Variants in ABCA10 observed in about 807,000 individuals in gnomAD.
The protein encoded by ABCA10 is ATP binding cassette subfamily A member 10.
In ABCA10, 169 loss-of-function variants were observed where a neutral mutation model predicts 187.5. The ratio of observed to expected loss-of-function variants is 0.90; its 90% CI spans 0.80 to 1.02. The LOEUF (loss-of-function observed/expected upper bound fraction) is 1.02, where lower values mean the gene tolerates loss of function less well. ABCA10 is among the 50% of genes least tolerant of loss of function. The probability of loss-of-function intolerance (pLI) is 0.00; values close to 1 mark genes in which losing one functional copy is unlikely to be tolerated. For missense variants in ABCA10, 1,727 were observed against 1,812.4 expected (o/e 0.95, Z 0.86); for synonymous variants, 574 against 601.8 (o/e 0.95, Z 0.68).
intron 2 of ABCA10, 57 bp downstream of exon 2, chr17:69,227,088 T>C (rs1472530683): frequency 1.4e-5 from 2 of 147,030 alleles, no homozygotes; most frequent in Non-Finnish European, 3.0e-5. Context: ...TAATACTATA[T>C]GGTGGATTTT....
In ABCA10 at chr17:69,191,225, T is replaced by C. The variant is rs2074457368; in HGVS notation, c.1962A>G (p.Glu654=). Residue 654 remains glutamate, a synonymous_variant, in exon 17 of 39, where the codon GAA becomes GAG. Coordinates refer to ENST00000690296, the MANE Select transcript of ABCA10 (RefSeq NM_001377321.1). ...IPDAKLTTES[E]EKLVYSLPLE... Reference sequence around the variant, plus strand: ...AAGGCAAACTATATACAAGTTTTTCTTCACTTTCTGTTGTTAACTTGGCAT... The same window carrying C: ...AAGGCAAACTATATACAAGTTTTTCCTCACTTTCTGTTGTTAACTTGGCAT... 13 of 1,603,808 alleles carry C rather than the reference T, an allele frequency of 8.1e-6. No homozygotes were observed. Among genetic ancestry groups the C allele is most frequent in the Non-Finnish European group, 1.1e-5 (13 of 1,174,448 alleles).
chr17:69,153,825 CTG>C lies in ABCA10; in HGVS notation c.3965+4_3965+5del, dbSNP rs1276729891. On this transcript the variant is annotated splice_donor_5th_base_variant and intron_variant, in intron 32 of 38. Coordinates refer to ENST00000690296, the MANE Select transcript of ABCA10 (RefSeq NM_001377321.1). The stretch of plus-strand genomic sequence containing the variant: ...CTGCTACAAATTGTGAGACTTCTCT[CTG>C]TACCGTGAAATACTGAGAGCAGCAT... 3 of 1,610,284 alleles carry C rather than the reference CTG, an allele frequency of 1.9e-6. No homozygotes were observed. The highest frequency in any genetic ancestry group is 2.5e-6 in the Non-Finnish European group (3 of 1,178,476).
intron 9 of ABCA10, among the ~76,000 whole-genome samples, chr17:69,203,809 A>C (rs1346182795): frequency 1.3e-5 from 2 of 152,260 alleles, no homozygotes; most frequent in Non-Finnish European, 2.9e-5. Flanking sequence ...GGATAGTTTA[A>C]AAGCCTATCT....
chr17:69,158,805 T>C (rs2074193819), intron 27 of ABCA10, among the ~76,000 whole-genome samples: 1 of 151,954 alleles, frequency 6.6e-6, no homozygotes, highest in Non-Finnish European at 1.5e-5. Context: ...CTACCATAAT[T>C]AAAACAATGT....
intron 26 of ABCA10, 104 bp from the exon 27 acceptor site, chr17:69,164,258 T>C: frequency 5.7e-6 from 5 of 873,412 alleles, no homozygotes; most frequent in Non-Finnish European, 8.4e-6. Flanking sequence ...GGGACAACAG[T>C]AAGTATTCCA....
At chr17:69,170,029 T>C (rs1223479054) in intron 25 of ABCA10, among the ~76,000 whole-genome samples, 1 of 152,166 alleles carries the variant, frequency 6.6e-6, no homozygotes, top group Non-Finnish European at 1.5e-5. Context: ...GGTTCAATCC[T>C]GTAATCCTAA....
rs191448981 is a variant in ABCA10, at chr17:69,188,271, T to C, written c.2132-392A>G. 2.0e-5 allele frequency among the ~76,000 whole-genome samples: 3 copies of C among 152,182 alleles called. No homozygotes were observed. In the East Asian group the frequency reaches 5.8e-4, roughly 29 times the overall value. ...TACAGGATTAGTTCAACACTGATGA[T>C]TGACATCTCAGTAACGAGTTCAAGA... is the stretch of plus-strand genomic sequence containing the variant. On this transcript the variant is annotated intron_variant, in intron 18 of 38. Coordinates refer to ENST00000690296, the MANE Select transcript of ABCA10 (RefSeq NM_001377321.1).
intron 28 of ABCA10, 88 bp downstream of exon 28, chr17:69,156,744 A>G: frequency 4.8e-6 from 4 of 834,398 alleles, no homozygotes; most frequent in Non-Finnish European, 6.4e-6. Context: ...TATTTTCAAA[A>G]ACAAAAACAA....
At chr17:69,205,842 A>C (rs2074587532) in intron 9 of ABCA10, among the ~76,000 whole-genome samples, 2 of 152,220 alleles carry the variant, frequency 1.3e-5, no homozygotes, top group Admixed American at 6.5e-5. Context: ...GGACTTAAAG[A>C]AACATGAAAA....
At chr17:69,158,135 T>C (rs2074188049) in intron 27 of ABCA10, among the ~76,000 whole-genome samples, 1 of 152,022 alleles carries the variant, frequency 6.6e-6, no homozygotes, top group Non-Finnish European at 1.5e-5. Context: ...TAAAAGTTAC[T>C]ATGATGATAA....
At chr17:69,153,785 A>AT (rs1169186021) in intron 32 of ABCA10, 46 bp downstream of exon 32, 1 of 1,559,994 alleles carries the variant, frequency 6.4e-7, no homozygotes, top group Admixed American at 2.0e-5. Flanking sequence ...GAAATGACAT[A>AT]TTTTCCCCTT....
At chr17:69,187,513 G>C (rs535457845) in intron 19 of ABCA10, among the ~76,000 whole-genome samples, 168 bp downstream of exon 19, 1 of 152,164 alleles carries the variant, frequency 6.6e-6, no homozygotes, top group South Asian at 2.1e-4. Flanking sequence ...TCACAGTATT[G>C]GCTTCTAGCA....
At chr17:69,157,297 G>A (rs901927497) in intron 27 of ABCA10, among the ~76,000 whole-genome samples, 11 of 152,086 alleles carry the variant, frequency 7.2e-5, no homozygotes, top group Admixed American at 3.3e-4. Flanking sequence ...TCAAACTTCC[G>A]TTTTCATGCC....
intron 17 of ABCA10, 45 bp downstream of exon 17, chr17:69,191,131 T>C (rs1414006066): frequency 6.9e-7 from 1 of 1,454,058 alleles, no homozygotes; most frequent in East Asian, 2.4e-5. Context: ...GTCAGCACAA[T>C]CGTGAACACT....
intron 22 of ABCA10, among the ~76,000 whole-genome samples, chr17:69,181,261 T>G (rs925298450): frequency 1.3e-5 from 2 of 152,198 alleles, no homozygotes; most frequent in African/African-American, 4.8e-5. Flanking sequence ...GGATTTAGGT[T>G]TAAGATATCT....
intron 27 of ABCA10, among the ~76,000 whole-genome samples, chr17:69,163,851 A>G (rs1487794230): frequency 2.0e-5 from 3 of 152,214 alleles, no homozygotes; most frequent in Non-Finnish European, 4.4e-5. Context: ...AACAATGTCT[A>G]TCACAATAAC....
intron 26 of ABCA10, among the ~76,000 whole-genome samples, chr17:69,164,440 T>C (rs1472304345): frequency 6.6e-6 from 1 of 152,186 alleles, no homozygotes; most frequent in Non-Finnish European, 1.5e-5. Context: ...TAGGCAAGAT[T>C]TGCCCACAGT....
upstream of ABCA10, among the ~76,000 whole-genome samples, chr17:69,231,208 C>G (rs1055573831): frequency 2.0e-5 from 3 of 152,110 alleles, no homozygotes; most frequent in Non-Finnish European, 2.9e-5. Flanking sequence ...CTTGCAGATA[C>G]GTAACTCTAA....
intron 22 of ABCA10, among the ~76,000 whole-genome samples, chr17:69,176,336 T>G (rs2074333612): frequency 6.6e-6 from 1 of 152,130 alleles, no homozygotes; most frequent in African/African-American, 2.4e-5. Context: ...TAAAATTGTT[T>G]AAATTAAACA....
Sources: allele counts gnomAD v4.1 joint callset (sites outside exome capture counted in the v4.1 genomes callset), GRCh38; gene constraint gnomAD v4.1.1; transcripts MANE v1.5; gene names NCBI Gene and HGNC (gene_info 2026-07-23, HGNC 2026-07-21).